LINGO2: variants seen among roughly 807,000 people sequenced by gnomAD.
LINGO2 encodes leucine-rich repeat and immunoglobulin-like domain-containing nogo receptor-interacting protein 2.
In LINGO2, 14 loss-of-function variants were observed where a neutral mutation model predicts 30.6. That is an observed-to-expected ratio of 0.46 (90% CI 0.30 to 0.72). The LOEUF (loss-of-function observed/expected upper bound fraction) is 0.72, where lower values mean the gene tolerates loss of function less well. LINGO2 is among the 30% of genes least tolerant of loss of function. LINGO2 has a pLI of 0.07. For missense variants in LINGO2, 729 were observed against 751.7 expected (o/e 0.97, Z 0.35); for synonymous variants, 317 against 288.5 (o/e 1.10, Z -1.00).
the LINGO2 span, among the ~76,000 whole-genome samples, chr9:29,203,273 A>G: frequency 2.4e-3 from 363 of 152,302 alleles, 1 homozygote; most frequent in Non-Finnish European, 4.0e-3. Flanking sequence ...AATATCAATT[A>G]AAACCATGTA....
chr9:27,957,536 C>A (rs529112633), intron 5 of LINGO2, among the ~76,000 whole-genome samples: 1 of 152,136 alleles, frequency 6.6e-6, no homozygotes, highest in Non-Finnish European at 1.5e-5. Flanking sequence ...TTGTGATCTG[C>A]CCACCTTGGC....
chr9:29,124,745 A>G, the LINGO2 span, among the ~76,000 whole-genome samples: 2 of 152,212 alleles, frequency 1.3e-5, no homozygotes, highest in Non-Finnish European at 2.9e-5. Context: ...GGCGATCATT[A>G]AAAAGTCAGG....
rs865785872 is a variant in LINGO2, at chr9:27,970,526, G to A, written c.-35-19820C>T. 3.3e-5 allele frequency among the ~76,000 whole-genome samples: 5 copies of A among 152,290 alleles called. No individual in the cohort carries two copies. The South Asian group carries it at 1.0e-3, about 32-fold the overall frequency. On this transcript the variant is annotated intron_variant, in intron 5 of 5. Transcript: ENST00000379992. The stretch of plus-strand genomic sequence containing the variant: ...TTTGGGGGGCATTGTCATGTTTACA[G>A]CTAGAAGACTGTTACAGTAAGGGGT...
chr9:28,000,773 A>T (rs1394346790), intron 5 of LINGO2, among the ~76,000 whole-genome samples: 1 of 152,230 alleles, frequency 6.6e-6, no homozygotes, highest in Non-Finnish European at 1.5e-5. Flanking sequence ...ACATAAAAAA[A>T]CTGCCATATA....
At chr9:28,698,989 C>T in the LINGO2 span, among the ~76,000 whole-genome samples, 1 of 151,872 alleles carries the variant, frequency 6.6e-6, no homozygotes, top group African/African-American at 2.4e-5. Context: ...CTGTAGTGAG[C>T]TATGATGATA....
chr9:28,955,128 G>A, the LINGO2 span, among the ~76,000 whole-genome samples: 3 of 152,038 alleles, frequency 2.0e-5, no homozygotes, highest in African/African-American at 7.2e-5. Flanking sequence ...AAGGAGGAAA[G>A]TGTGAAAGGA....
the LINGO2 span, among the ~76,000 whole-genome samples, chr9:28,843,355 C>T: frequency 1.3e-5 from 2 of 151,558 alleles, no homozygotes; most frequent in Non-Finnish European, 2.9e-5. Flanking sequence ...ATGTGGGTTT[C>T]TACACACTTA....
intron 2 of LINGO2, among the ~76,000 whole-genome samples, chr9:28,389,206 A>G (rs188462444): frequency 2.6e-3 from 390 of 152,272 alleles, no homozygotes; most frequent in Middle Eastern, 0.014. Context: ...TAATAAAAAT[A>G]TTGAATGGCA....
intron 5 of LINGO2, among the ~76,000 whole-genome samples, chr9:27,964,996 C>T (rs1184770007): frequency 6.6e-6 from 1 of 152,076 alleles, no homozygotes; most frequent in African/African-American, 2.4e-5. Flanking sequence ...CCCAATACAG[C>T]AGCAACTTTC....
At chr9:27,997,218 G>T (rs1460489733) in intron 5 of LINGO2, among the ~76,000 whole-genome samples, 1 of 152,126 alleles carries the variant, frequency 6.6e-6, no homozygotes, top group African/African-American at 2.4e-5. Flanking sequence ...TCAAGGTCTG[G>T]GCTAATTACC....
intron 4 of LINGO2, among the ~76,000 whole-genome samples, chr9:28,242,663 A>G (rs1821842276): frequency 1.3e-5 from 2 of 152,122 alleles, no homozygotes; most frequent in Admixed American, 1.3e-4. Flanking sequence ...ACCCCAAGAC[A>G]CATAATGATC....
At chr9:28,320,886 C>G (rs1461837100) in intron 3 of LINGO2, among the ~76,000 whole-genome samples, 1 of 152,104 alleles carries the variant, frequency 6.6e-6, no homozygotes, top group Non-Finnish European at 1.5e-5. Context: ...TCGGGGAGCA[C>G]TTTTAGCTAG....
At chr9:29,077,495 T>G in the LINGO2 span, among the ~76,000 whole-genome samples, 3 of 152,068 alleles carry the variant, frequency 2.0e-5, no homozygotes, top group African/African-American at 7.2e-5. Flanking sequence ...TTATTCTCTA[T>G]AGCTACTTTA....
At chr9:28,540,855 C>T (rs1201642435) in intron 1 of LINGO2, among the ~76,000 whole-genome samples, 3 of 152,130 alleles carry the variant, frequency 2.0e-5, no homozygotes, top group Non-Finnish European at 4.4e-5. Context: ...GTAGTCTTTG[C>T]CCAGGTGTAC....
chr9:28,396,462 T>C (rs1370856541), intron 2 of LINGO2, among the ~76,000 whole-genome samples: 2 of 152,036 alleles, frequency 1.3e-5, no homozygotes, highest in Admixed American at 1.3e-4. Context: ...CCCAGCACTT[T>C]GGGAGGCCGA....
At chr9:28,386,712 A>T (rs1417846743) in intron 2 of LINGO2, among the ~76,000 whole-genome samples, 1 of 152,228 alleles carries the variant, frequency 6.6e-6, no homozygotes, top group African/African-American at 2.4e-5. Flanking sequence ...AATTTTAAAA[A>T]TAAACTATTC....
At chr9:28,179,978 A>G (rs1319149190) in intron 4 of LINGO2, among the ~76,000 whole-genome samples, 1 of 152,080 alleles carries the variant, frequency 6.6e-6, no homozygotes, top group Non-Finnish European at 1.5e-5. Flanking sequence ...TGTAGACTAT[A>G]AGCACAATTT....
intron 4 of LINGO2, among the ~76,000 whole-genome samples, chr9:28,174,677 A>G (rs1348412182): frequency 6.6e-6 from 1 of 152,180 alleles, no homozygotes; most frequent in Non-Finnish European, 1.5e-5. Flanking sequence ...TACCATTGTG[A>G]TATACATCAC....
intron 4 of LINGO2, among the ~76,000 whole-genome samples, chr9:28,119,956 T>C (rs535794962): frequency 1.8e-4 from 27 of 152,342 alleles, no homozygotes; most frequent in Non-Finnish European, 3.4e-4. Flanking sequence ...CTAGAGTTTC[T>C]TTATTCCCAA....
Sources: gnomAD v4.1 joint callset for allele counts (sites outside exome capture counted in the v4.1 genomes callset) on GRCh38, gnomAD v4.1.1 for gene constraint, MANE v1.5 for transcripts, NCBI Gene and HGNC (gene_info 2026-07-23, HGNC 2026-07-21) for gene names.